Variants in MARCHF10 observed in about 807,000 individuals in gnomAD.
The protein encoded by MARCHF10 is membrane associated ring-CH-type finger 10.
MARCHF10 carries 64 observed loss-of-function variants against 76.2 expected under a neutral mutation model. That is an observed-to-expected ratio of 0.84 (90% CI 0.69 to 1.03). The LOEUF (loss-of-function observed/expected upper bound fraction) is 1.03, where lower values mean the gene tolerates loss of function less well. MARCHF10 is among the 50% of genes least tolerant of loss of function. The pLI, the probability that MARCHF10 is intolerant of heterozygous loss-of-function variation, is 0.00. For missense variants in MARCHF10, 875 were observed against 958.0 expected, an observed-to-expected ratio of 0.91 and a Z score of 1.14; for synonymous variants, 340 against 357.5, an observed-to-expected ratio of 0.95 and a Z score of 0.55.
chr17:62,706,800 C>G (rs1160412074), intron 9 of MARCHF10, among the ~76,000 whole-genome samples: 1 of 152,180 alleles, frequency 6.6e-6, no homozygotes, highest in Non-Finnish European at 1.5e-5. Context: ...GAGACAAGAC[C>G]TGAGCTGGGA....
At chr17:62,714,326 A>G in intron 8 of MARCHF10, 1 of 897,350 alleles carries the variant, frequency 1.1e-6, no homozygotes, top group Non-Finnish European at 1.3e-6. Context: ...GCAGGACCAA[A>G]GGGACTCAAT....
At chr17:62,714,320 G>A in intron 8 of MARCHF10, 2 of 864,336 alleles carry the variant, frequency 2.3e-6, no homozygotes, top group Non-Finnish European at 2.8e-6. Flanking sequence ...AACTGTGCAG[G>A]ACCAAAGGGA....
At chr17:62,773,377 T>C (rs958913350) in intron 3 of MARCHF10, among the ~76,000 whole-genome samples, 10 of 152,176 alleles carry the variant, frequency 6.6e-5, no homozygotes, top group African/African-American at 2.4e-4. Context: ...AAGAGCCATT[T>C]CTGTGGAATG....
chr17:62,773,359 AT>A (rs1325483155), intron 3 of MARCHF10, among the ~76,000 whole-genome samples: 1 of 152,168 alleles, frequency 6.6e-6, no homozygotes, highest in African/African-American at 2.4e-5. Flanking sequence ...CGGGGAAGTC[AT>A]TTGCTGAAGA....
At chr17:62,737,438 T>C in intron 5 of MARCHF10, 106 bp from the exon 6 acceptor site, 1 of 1,044,306 alleles carries the variant, frequency 9.6e-7, no homozygotes, top group South Asian at 1.4e-5. Flanking sequence ...AGACAAGACC[T>C]AGAGAAGAAA....
At position 62,785,516 on chromosome 17, in the gene MARCHF10, A is replaced by G. The variant is rs188119746; in HGVS notation, c.210+2964T>C. On this transcript the variant is annotated intron_variant, in intron 3 of 10. Transcript: ENST00000311269. ...AAAAGCAATGGCAACAAAAGCCAAAATAGACAAATGGGATCTAATTAAACT... is the reference window on the plus strand; with the variant it reads ...AAAAGCAATGGCAACAAAAGCCAAAGTAGACAAATGGGATCTAATTAAACT... Among the ~76,000 whole-genome samples, 1,206 of 152,356 alleles carry G rather than the reference A, an allele frequency of 7.9e-3. 12 individuals carry two copies. The highest frequency in any genetic ancestry group is 0.027 in the African/African-American group (1,143 of 41,586).
intron 5 of MARCHF10, among the ~76,000 whole-genome samples, chr17:62,740,581 G>C (rs1036136179): frequency 1.3e-5 from 2 of 152,140 alleles, no homozygotes; most frequent in Non-Finnish European, 2.9e-5. Context: ...CTGGAATTCA[G>C]AGTGGGTTGC....
At chr17:62,797,870 A>C (rs2093010422) in intron 2 of MARCHF10, among the ~76,000 whole-genome samples, 1 of 152,056 alleles carries the variant, frequency 6.6e-6, no homozygotes, top group South Asian at 2.1e-4. Flanking sequence ...ATGGGGTGGC[A>C]ACAGGGTAAA....
rs1326381370 is a variant in MARCHF10, at chr17:62,736,979, A to G, written c.889T>C (p.Ser297Pro). 7 of 1,614,030 alleles carry G rather than the reference A, an allele frequency of 4.3e-6. No homozygotes were observed. In the African/African-American group the frequency reaches 9.3e-5, roughly 22 times the overall value. ...ACACCAACCCACAGACATTCTTCAG[A>G]CTGGGTTTCCTCTTCAGTGTCATCG... is the stretch of plus-strand genomic sequence containing the variant. ...ESDDTEEETQ[S>P]EECLWVGVRS... Residue 297 changes from serine to proline, a missense_variant, in exon 6 of 11, where the codon TCT becomes CCT. By Grantham distance (74) the Ser-to-Pro change is moderately conservative (BLOSUM62 -1). Coordinates refer to ENST00000311269, the MANE Select transcript of MARCHF10 (RefSeq NM_152598.4).
intron 2 of MARCHF10, among the ~76,000 whole-genome samples, chr17:62,790,669 T>C (rs1275315728): frequency 6.6e-6 from 1 of 152,196 alleles, no homozygotes; most frequent in Non-Finnish European, 1.5e-5. Context: ...TTCAGCACGT[T>C]TCACGCCCTC....
chr17:62,804,181 G>A (rs1290192167), intron 1 of MARCHF10, among the ~76,000 whole-genome samples: 7 of 152,196 alleles, frequency 4.6e-5, no homozygotes, highest in Non-Finnish European at 7.3e-5. Context: ...GCCAGCATTC[G>A]CTTCAGAAAA....
In MARCHF10 at chr17:62,736,962, C is replaced by A. The variant is rs1297533772; in HGVS notation, c.906G>T (p.Trp302Cys). Residue 302 changes from tryptophan to cysteine, a missense_variant, in exon 6 of 11, where the codon TGG becomes TGT. Transcript: ENST00000311269. ...GAGAACAGGGTGAGCGCACACCAAC[C>A]CACAGACATTCTTCAGACTGGGTTT... ...EEETQSEECL[W>C]VGVRSPCSPS... 6.2e-7 allele frequency: 1 copy of A among 1,613,980 alleles called. No individual in the cohort carries two copies. The highest frequency in any genetic ancestry group is 8.5e-7 in the Non-Finnish European group (1 of 1,180,018).
chr17:62,805,212 T>C (rs529543930), intron 1 of MARCHF10, among the ~76,000 whole-genome samples: 1 of 152,348 alleles, frequency 6.6e-6, no homozygotes, highest in East Asian at 1.9e-4. Flanking sequence ...TAATCACTTA[T>C]GGGACTATGT....
intron 4 of MARCHF10, among the ~76,000 whole-genome samples, chr17:62,752,032 A>G (rs944538065): frequency 6.6e-6 from 1 of 151,984 alleles, no homozygotes; most frequent in Non-Finnish European, 1.5e-5. Context: ...AAAAGAAAAA[A>G]AAAAAAAGAA....
intron 2 of MARCHF10, among the ~76,000 whole-genome samples, chr17:62,789,597 A>T (rs1250865047): frequency 1.3e-5 from 2 of 152,168 alleles, no homozygotes; most frequent in African/African-American, 4.8e-5. Context: ...AGTAAGGACA[A>T]CTTCTTATCT....
chr17:62,701,900 T>C (rs2089261969), intron 10 of MARCHF10, 142 bp from the exon 11 acceptor site: 1 of 1,107,242 alleles, frequency 9.0e-7, no homozygotes, highest in African/African-American at 1.5e-5. Context: ...CCTGGAACCG[T>C]GTGGGGAACA....
intron 1 of MARCHF10, among the ~76,000 whole-genome samples, chr17:62,804,421 G>C (rs1249090478): frequency 1.3e-5 from 2 of 152,090 alleles, no homozygotes; most frequent in Non-Finnish European, 2.9e-5. Context: ...AATATTTAGA[G>C]AACAAGCCGC....
chr17:62,736,571 T>C lies in MARCHF10; in HGVS notation c.1297A>G (p.Thr433Ala). 1 of 1,614,208 alleles carries C rather than the reference T, an allele frequency of 6.2e-7. No homozygotes were observed. The highest frequency in any genetic ancestry group is 8.5e-7 in the Non-Finnish European group (1 of 1,180,034). Residue 433 changes from threonine (T) to alanine (A), a missense_variant, in exon 6 of 11, where the codon ACC becomes GCC. Coordinates refer to ENST00000311269, the MANE Select transcript of MARCHF10 (RefSeq NM_152598.4). The stretch of plus-strand genomic sequence containing the variant: ...TTCCAGTATCCTTCAGAATCATGGG[T>C]GCCAGGCCTATGTTCCACAGAAATA... ...DCISVEHRPG[T>A]HDSEGYWKDY... is the part of the protein sequence containing the mutation.
At chr17:62,793,557 C>T (rs529003836) in intron 2 of MARCHF10, among the ~76,000 whole-genome samples, 1 of 141,692 alleles carries the variant, frequency 7.1e-6, no homozygotes, top group Admixed American at 6.9e-5. Flanking sequence ...CCACTGCCAC[C>T]ACCACCTCCA....
Sources: gnomAD v4.1 joint callset for allele counts (sites outside exome capture counted in the v4.1 genomes callset) on GRCh38, gnomAD v4.1.1 for gene constraint, MANE v1.5 for transcripts, NCBI Gene and HGNC (gene_info 2026-07-23, HGNC 2026-07-21) for gene names.